The following PRLR variants were observed in gnomAD, a reference collection of about 807,000 sequenced individuals.
PRLR encodes the protein prolactin receptor, also known as hPRL receptor.
PRLR carries 13 observed loss-of-function variants against 40.2 expected under a neutral mutation model. That is an observed-to-expected ratio of 0.32 (90% confidence interval 0.21 to 0.51). PRLR has a LOEUF of 0.51. Among genes scored for constraint, PRLR ranks in the 20% least tolerant of loss-of-function variants. The pLI is 0.97. For missense variants in PRLR, 656 were observed against 747.3 expected (o/e 0.88, Z 1.42); for synonymous variants, 269 against 278.7 (o/e 0.97, Z 0.35).
downstream of PRLR, among the ~76,000 whole-genome samples, chr5:35,055,078 TTTGTGAAATATTTTATGCAATAA>T (rs1768648359): frequency 6.6e-6 from 1 of 152,222 alleles, no homozygotes; most frequent in South Asian, 2.1e-4. Context: ...TGTTCAAGTA[TTTGTGAAATATTTTATGCAATAA>T]ATAAAAGATC....
chr5:35,221,446 C>T (rs56328258), intron 1 of PRLR, among the ~76,000 whole-genome samples: 4,175 of 152,204 alleles, frequency 0.027, 83 homozygotes, highest in Middle Eastern at 0.071. Flanking sequence ...TTAAATTATG[C>T]TCAAAATCAT....
intron 1 of PRLR, among the ~76,000 whole-genome samples, chr5:35,169,820 T>A (rs79676238): frequency 0.04 from 6,154 of 152,316 alleles, 154 homozygotes; most frequent in Middle Eastern, 0.11. Flanking sequence ...TTTCTCTACT[T>A]CTATATAGAT....
intron 1 of PRLR, among the ~76,000 whole-genome samples, chr5:35,145,555 A>T (rs1774159790): frequency 6.6e-6 from 1 of 152,138 alleles, no homozygotes; most frequent in African/African-American, 2.4e-5. Flanking sequence ...TGGCTTGAGG[A>T]TTTCCATGGC....
At chr5:35,122,444 C>T (rs918479199) in intron 1 of PRLR, among the ~76,000 whole-genome samples, 1 of 152,160 alleles carries the variant, frequency 6.6e-6, no homozygotes, top group Non-Finnish European at 1.5e-5. Context: ...AACCTCCTGC[C>T]CTATGTGTCC....
At chr5:35,083,479 C>T (rs182393014) in intron 5 of PRLR, among the ~76,000 whole-genome samples, 1,733 of 150,612 alleles carry the variant, frequency 0.012, 13 homozygotes, top group Non-Finnish European at 0.02. Context: ...TGTGTGTGCA[C>T]AGACCATTGG....
chr5:35,051,720 AAAT>A (rs1272623629), downstream of PRLR, among the ~76,000 whole-genome samples: 1 of 152,230 alleles, frequency 6.6e-6, no homozygotes, highest in Non-Finnish European at 1.5e-5. Flanking sequence ...AGGGTGCATC[AAAT>A]GAGAAGGAGA....
chr5:35,168,238 T>C (rs1451388595), intron 1 of PRLR, among the ~76,000 whole-genome samples: 1 of 151,784 alleles, frequency 6.6e-6, no homozygotes, highest in African/African-American at 2.4e-5. Context: ...AAAGCAGAAA[T>C]AGACAAATAC....
chr5:35,204,639 T>C (rs568548121), intron 1 of PRLR, among the ~76,000 whole-genome samples: 1 of 152,242 alleles, frequency 6.6e-6, no homozygotes, highest in South Asian at 2.1e-4. Context: ...AAAAATACAT[T>C]TGTGAGAATC....
At chr5:35,117,483 T>C (rs1337214211) in intron 2 of PRLR, among the ~76,000 whole-genome samples, 5 of 152,136 alleles carry the variant, frequency 3.3e-5, no homozygotes, top group Non-Finnish European at 5.9e-5. Flanking sequence ...TCTCCATCTG[T>C]AAAATGGAGT....
chr5:35,118,251 G>T, intron 1 of PRLR, 129 bp from the exon 2 acceptor site: 1 of 266,332 alleles, frequency 3.8e-6, no homozygotes, highest in Non-Finnish European at 5.8e-6. Flanking sequence ...CAGCTCTAGT[G>T]TTCTGGAATT....
In PRLR at chr5:35,057,834, C is replaced by G. The variant is rs1768806721; in HGVS notation, c.*7255G>C. On this transcript the variant is annotated 3_prime_UTR_variant, in exon 10 of 10. Coordinates refer to ENST00000618457, the MANE Select transcript of PRLR (RefSeq NM_000949.7). Reference sequence around the variant, plus strand: ...AAATAAGATAATTTCTGGTAAATGGCTGACTTTTCCCATATCATACTATGT... The same window carrying G: ...AAATAAGATAATTTCTGGTAAATGGGTGACTTTTCCCATATCATACTATGT... 6.6e-6 allele frequency: 1 copy of G among 151,970 alleles called. No homozygotes were observed. Among genetic ancestry groups the G allele is most frequent in the Admixed American group, 6.6e-5 (1 of 15,252 alleles). 9.4% of individuals were successfully genotyped at this position (151,970 alleles called of 1,614,324 possible).
chr5:35,180,534 G>A (rs9647538), intron 1 of PRLR, among the ~76,000 whole-genome samples: 14,830 of 151,930 alleles, frequency 0.098, 947 homozygotes, highest in Non-Finnish European at 0.13. Flanking sequence ...CATGCTTCCT[G>A]TATAGCCTGC....
At chr5:35,144,379 G>T (rs1228849583) in intron 1 of PRLR, among the ~76,000 whole-genome samples, 1 of 152,122 alleles carries the variant, frequency 6.6e-6, no homozygotes, top group Non-Finnish European at 1.5e-5. Flanking sequence ...TAATTTATGT[G>T]TTGTATGGGC....
At chr5:35,072,319 G>A (rs186851627) in intron 6 of PRLR, among the ~76,000 whole-genome samples, 4 of 152,288 alleles carry the variant, frequency 2.6e-5, no homozygotes, top group East Asian at 3.9e-4. Context: ...GATCTAAAAT[G>A]TACTAAGGGA....
At chr5:35,101,467 G>A (rs897427124) in intron 2 of PRLR, among the ~76,000 whole-genome samples, 2 of 152,128 alleles carry the variant, frequency 1.3e-5, no homozygotes, top group African/African-American at 4.8e-5. Context: ...AGGTGGTTGG[G>A]TTAGTAGCTG....
chr5:35,186,959 T>A (rs1186872353), intron 1 of PRLR, among the ~76,000 whole-genome samples: 1 of 152,084 alleles, frequency 6.6e-6, no homozygotes, highest in Non-Finnish European at 1.5e-5. Flanking sequence ...GGCATGTGGC[T>A]AGGATTATCA....
At chr5:35,089,415 G>A (rs1015283988) in intron 3 of PRLR, 136 bp downstream of exon 3, 2 of 636,778 alleles carry the variant, frequency 3.1e-6, no homozygotes. Context: ...GCAAAATATT[G>A]CAAATAATTT....
chr5:35,142,391 G>A (rs535035227), intron 1 of PRLR, among the ~76,000 whole-genome samples: 11 of 152,238 alleles, frequency 7.2e-5, no homozygotes, highest in African/African-American at 1.4e-4. Flanking sequence ...TTAGGAAATG[G>A]GGAGAAAGGG....
chr5:35,050,644 T>G (rs916302603), intron 8 of PRLR, among the ~76,000 whole-genome samples: 4 of 152,126 alleles, frequency 2.6e-5, no homozygotes, highest in African/African-American at 4.8e-5. Context: ...TCGGGGAGGA[T>G]TTTTGCACAC....
Sources: allele counts gnomAD v4.1 joint callset (sites outside exome capture counted in the v4.1 genomes callset), GRCh38; gene constraint gnomAD v4.1.1; transcripts MANE v1.5; gene names NCBI Gene and HGNC (gene_info 2026-07-23, HGNC 2026-07-21).